The following RGS13 variants were observed in gnomAD, a reference collection of about 807,000 sequenced individuals.
RGS13 encodes regulator of G protein signaling 13, also known as regulator of G-protein signalling 13.
In RGS13, 14 loss-of-function variants were observed where a neutral mutation model predicts 19.9. That is an observed-to-expected ratio of 0.70 (90% confidence interval 0.46 to 1.10). The LOEUF is 1.10. Ranked by LOEUF, RGS13 falls within the 50% of genes least tolerant of loss-of-function variation. The probability of loss-of-function intolerance (pLI) is 0.00; values close to 1 mark genes in which losing one functional copy is unlikely to be tolerated. For missense variants in RGS13, 205 were observed against 187.1 expected (o/e 1.10, Z -0.56); for synonymous variants, 60 against 56.8 (o/e 1.06, Z -0.25).
At chr1:192,642,059 A>G (rs1663131842) in intron 3 of RGS13, among the ~76,000 whole-genome samples, 1 of 151,992 alleles carries the variant, frequency 6.6e-6, no homozygotes, top group African/African-American at 2.4e-5. Flanking sequence ...CATTCATTCT[A>G]CTCACAAACC....
Position 192,659,657 on chromosome 1 carries a change from C to G in RGS13, c.*134C>G. 1 of 643,392 alleles carries G rather than the reference C, an allele frequency of 1.6e-6. No individual in the cohort carries two copies. The highest frequency in any genetic ancestry group is 2.7e-6 in the Non-Finnish European group (1 of 377,268). 39.9% of individuals were successfully genotyped at this position (643,392 alleles called of 1,614,324 possible). On this transcript the variant is annotated 3_prime_UTR_variant, in exon 7 of 7. Transcript: ENST00000391995. ...CAAACTATAAGTTGACTTTTAGTTCCTAAAAAGAAACATATTTCAAAAGCA... is the reference window on the plus strand; with the variant it reads ...CAAACTATAAGTTGACTTTTAGTTCGTAAAAAGAAACATATTTCAAAAGCA...
chr1:192,643,938 G>A (rs1055142736), intron 3 of RGS13, among the ~76,000 whole-genome samples: 2 of 152,112 alleles, frequency 1.3e-5, no homozygotes, highest in Non-Finnish European at 2.9e-5. Flanking sequence ...GGGTGACAGG[G>A]TGAGACCCTG....
chr1:192,648,038 A>G, intron 5 of RGS13, 51 bp downstream of exon 5: 1 of 1,332,490 alleles, frequency 7.5e-7, no homozygotes, highest in Non-Finnish European at 1.1e-6. Flanking sequence ...TTCCATTCTT[A>G]GAGGTAAAGG....
intron 3 of RGS13, among the ~76,000 whole-genome samples, chr1:192,641,284 A>AAGAAAGAAAG (rs1663114237): frequency 8.4e-6 from 1 of 118,754 alleles, no homozygotes; most frequent in Non-Finnish European, 2.0e-5. Flanking sequence ...GAAAGAAAGA[A>AAGAAAGAAAG]AGAAAGAAAG....
intron 5 of RGS13, among the ~76,000 whole-genome samples, chr1:192,653,837 G>A (rs1663386318): frequency 6.6e-6 from 1 of 151,622 alleles, no homozygotes. Context: ...ATACCAAATT[G>A]TTAACAGTAG....
chr1:192,641,359 G>T (rs918262476), intron 3 of RGS13, among the ~76,000 whole-genome samples: 124 of 151,728 alleles, frequency 8.2e-4, no homozygotes, highest in African/African-American at 2.8e-3. Context: ...AAGAGAGAGA[G>T]AGGGGAAAAG....
intron 5 of RGS13, among the ~76,000 whole-genome samples, chr1:192,649,779 T>A (rs1663303260): frequency 1.3e-5 from 2 of 152,170 alleles, no homozygotes; most frequent in African/African-American, 4.8e-5. Flanking sequence ...TGCTCATGTT[T>A]GAAAGTCAAA....
At chr1:192,640,417 A>T (rs577682067) in intron 3 of RGS13, among the ~76,000 whole-genome samples, 4 of 152,280 alleles carry the variant, frequency 2.6e-5, no homozygotes, top group Non-Finnish European at 5.9e-5. Context: ...TTTTATTTTC[A>T]TCACACTGCT....
intron 5 of RGS13, 66 bp downstream of exon 5, chr1:192,648,053 G>T (rs1473703964): frequency 1.8e-6 from 2 of 1,115,476 alleles, no homozygotes; most frequent in Non-Finnish European, 2.6e-6. Context: ...TAAAGGTGGG[G>T]GTGCCAGATG....
At chr1:192,642,163 G>A (rs748757145) in intron 3 of RGS13, among the ~76,000 whole-genome samples, 2 of 152,036 alleles carry the variant, frequency 1.3e-5, no homozygotes, top group African/African-American at 2.4e-5. Flanking sequence ...GTGGCTCAAC[G>A]TGCTCGGCCT....
At chr1:192,653,148 T>C (rs1663374062) in intron 5 of RGS13, among the ~76,000 whole-genome samples, 1 of 151,982 alleles carries the variant, frequency 6.6e-6, no homozygotes, top group Non-Finnish European at 1.5e-5. Flanking sequence ...AGAGATAGTG[T>C]CTTCAGTATA....
At chr1:192,645,601 T>TCCGTTTGGTATCCACTGC (rs1663204935) in intron 4 of RGS13, 1 of 152,136 alleles carries the variant, frequency 6.6e-6, no homozygotes, top group Non-Finnish European at 1.5e-5. Flanking sequence ...TGCTTTCATA[T>TCCGTTTGGTATCCACTGC]CCGTTTGGTA....
intron 5 of RGS13, among the ~76,000 whole-genome samples, chr1:192,652,466 T>A (rs937656464): frequency 6.6e-6 from 1 of 152,034 alleles, no homozygotes; most frequent in African/African-American, 2.4e-5. Context: ...TCATCAACCC[T>A]TATATTACCT....
chr1:192,636,602 T>G (rs1275212696), intron 1 of RGS13, among the ~76,000 whole-genome samples: 1 of 152,022 alleles, frequency 6.6e-6, no homozygotes, highest in African/African-American at 2.4e-5. Context: ...TGTGTATATT[T>G]TCATTTTAAA....
intron 5 of RGS13, among the ~76,000 whole-genome samples, chr1:192,656,709 A>G (rs371670368): frequency 2.0e-5 from 3 of 152,044 alleles, no homozygotes; most frequent in African/African-American, 7.2e-5. Context: ...ACGTGATAAT[A>G]ATAGTCCATG....
intron 4 of RGS13, chr1:192,646,139 C>A (rs1413844245): frequency 6.6e-6 from 1 of 152,170 alleles, no homozygotes; most frequent in Non-Finnish European, 1.5e-5. Context: ...TAACACAGTA[C>A]ACTGTTAAGC....
Position 192,659,511 on chromosome 1 carries a change from CA to C in RGS13, c.470del (p.Asn157ThrfsTer10), listed in dbSNP as rs747634506. The C allele has an allele frequency of 2.3e-5, 37 of 1,608,258 alleles. No individual in the cohort carries two copies. The highest frequency in any genetic ancestry group is 2.9e-5 in the Non-Finnish European group (34 of 1,177,656). ...AACTTTTGAAAACTATGCAGTCCAA[CA>C]ACAGTTTCTGACTACAACTCAAAAG... ...QKLLKTMQSN[N>X]SF is the part of the protein sequence containing the mutation. On this transcript the variant is annotated frameshift_variant, in exon 7 of 7. Coordinates refer to ENST00000391995, the MANE Select transcript of RGS13 (RefSeq NM_002927.5). LOFTEE classifies it high-confidence loss of function.
intron 3 of RGS13, among the ~76,000 whole-genome samples, chr1:192,639,258 C>T (rs1663063579): frequency 6.6e-6 from 1 of 152,126 alleles, no homozygotes; most frequent in Non-Finnish European, 1.5e-5. Flanking sequence ...AGAGAACAAC[C>T]TGAATAATTG....
chr1:192,651,983 A>G (rs1663347155), intron 5 of RGS13, among the ~76,000 whole-genome samples: 1 of 152,058 alleles, frequency 6.6e-6, no homozygotes, highest in Admixed American at 6.6e-5. Context: ...CCACAGTTGT[A>G]TATTTTTCTC....
Sources: gnomAD v4.1 joint callset for allele counts (sites outside exome capture counted in the v4.1 genomes callset) on GRCh38, gnomAD v4.1.1 for gene constraint, MANE v1.5 for transcripts, NCBI Gene and HGNC (gene_info 2026-07-23, HGNC 2026-07-21) for gene names.